Variants in CFAP99 observed in about 807,000 individuals in gnomAD.
CFAP99 encodes cilia and flagella associated protein 99, also known as cilia- and flagella-associated protein 99.
Under a neutral mutation model 82.7 loss-of-function variants are expected in CFAP99, and 84 were observed. The ratio of observed to expected loss-of-function variants is 1.02; its 90% confidence interval spans 0.85 to 1.22. CFAP99 has a LOEUF of 1.22. CFAP99 is among the 50% of genes most tolerant of loss of function. The probability of loss-of-function intolerance (pLI) is 0.00; values close to 1 mark genes in which losing one functional copy is unlikely to be tolerated. For synonymous variants in CFAP99, 456 were observed against 429.5 expected, an observed-to-expected ratio of 1.06 and a Z score of -0.76; for missense variants, 1,059 against 983.5, an observed-to-expected ratio of 1.08 and a Z score of -1.03.
chr4:2,436,081 C>CT (rs1733901805), intron 2 of CFAP99, among the ~76,000 whole-genome samples: 1 of 125,404 alleles, frequency 8.0e-6, no homozygotes, highest in Non-Finnish European at 1.8e-5. Flanking sequence ...TCAAAAACTT[C>CT]AAAAAAAAAA....
intron 2 of CFAP99, 117 bp from the exon 3 acceptor site, chr4:2,436,757 A>G: frequency 1.3e-6 from 1 of 793,860 alleles, no homozygotes. Flanking sequence ...CCCCACTAAC[A>G]GGCCCTTTGC....
At chr4:2,440,146 ATTCT>A (rs1464512610) in intron 4 of CFAP99, among the ~76,000 whole-genome samples, 10 of 95,872 alleles carry the variant, frequency 1.0e-4, no homozygotes, top group Non-Finnish European at 1.9e-4. Context: ...CCAGCTTGAC[ATTCT>A]TTTTTTTTTT....
chr4:2,443,082 GGGTT>G lies in CFAP99; in HGVS notation c.352-45_352-42del, dbSNP rs1441435228. 7.4e-6 allele frequency: 8 copies of G among 1,087,308 alleles called. No homozygotes were observed. The African/African-American group carries it at 1.3e-4, about 17-fold the overall frequency. The allele number at this position is 1,087,308 out of a possible 1,614,324, so 67.4% of individuals were successfully genotyped here. On this transcript the variant is annotated intron_variant, in intron 4 of 14. Transcript: ENST00000635017. ...GGTGCTGGGGACTTTGCCCGGTGAG[GGGTT>G]GGGCCCAGGGCTCCGGCCCCCTGAC...
chr4:2,426,458 G>T lies in CFAP99; in HGVS notation c.-17-1G>T, dbSNP rs1445527763. 6.5e-7 allele frequency: 1 copy of T among 1,526,862 alleles called. No homozygotes were observed. The highest frequency in any genetic ancestry group is 1.2e-5 in the South Asian group (1 of 83,852). The allele number at this position is 1,526,862 out of a possible 1,614,324, so 94.6% of individuals were successfully genotyped here. A position where few individuals can be genotyped will look rare whatever the true frequency, so the allele number is the denominator to read the frequency against. Reference sequence around the variant, plus strand: ...GCGTGACCTGCACGGTTTGTTCTTAGGCTTCTGCCCTAAGAAGATGGCCTA... The same window carrying T: ...GCGTGACCTGCACGGTTTGTTCTTATGCTTCTGCCCTAAGAAGATGGCCTA... On this transcript the variant is annotated splice_acceptor_variant, in intron 1 of 14. Transcript: ENST00000635017. LOFTEE classifies it low-confidence loss of function (5UTR_SPLICE).
chr4:2,442,254 G>C (rs1032066800), intron 4 of CFAP99, among the ~76,000 whole-genome samples: 1 of 152,012 alleles, frequency 6.6e-6, no homozygotes, highest in Non-Finnish European at 1.5e-5. Context: ...GGGGTGGCCA[G>C]AAGGAAGGTA....
intron 4 of CFAP99, 67 bp from the exon 5 acceptor site, chr4:2,443,063 G>A: frequency 1.1e-6 from 1 of 896,378 alleles, no homozygotes; most frequent in East Asian, 2.6e-5. Flanking sequence ...TGGGGGTGCT[G>A]GGGACTTTGC....
chr4:2,441,079 TATA>T (rs964924750), intron 4 of CFAP99, among the ~76,000 whole-genome samples: 48 of 148,716 alleles, frequency 3.2e-4, no homozygotes, highest in African/African-American at 8.9e-4. Context: ...ATAATAATAA[TATA>T]ATAATAATAA....
chr4:2,452,906 T>C (rs1042373663), intron 11 of CFAP99, among the ~76,000 whole-genome samples: 10 of 151,774 alleles, frequency 6.6e-5, no homozygotes, highest in Admixed American at 5.9e-4. Flanking sequence ...CTGTAAAAAA[T>C]ACAAAAATTA....
chr4:2,440,472 C>T (rs893762544), intron 4 of CFAP99, among the ~76,000 whole-genome samples: 5 of 142,268 alleles, frequency 3.5e-5, no homozygotes, highest in Non-Finnish European at 6.2e-5. Context: ...GCTGAACAGG[C>T]GGGGCATGGT....
chr4:2,460,295 A>AC, intron 14 of CFAP99, 53 bp downstream of exon 14: 1 of 1,474,484 alleles, frequency 6.8e-7, no homozygotes, highest in Non-Finnish European at 9.2e-7. Context: ...AGCATGCTGT[A>AC]AGCCTGCCTT....
At chr4:2,431,127 G>C (rs1001511539) in intron 2 of CFAP99, among the ~76,000 whole-genome samples, 11 of 151,946 alleles carry the variant, frequency 7.2e-5, no homozygotes, top group African/African-American at 2.7e-4. Context: ...CCAGCACTTT[G>C]AGAGGCCGGG....
intron 2 of CFAP99, chr4:2,428,809 C>G (rs1204280059): frequency 6.6e-6 from 1 of 152,194 alleles, no homozygotes; most frequent in African/African-American, 2.5e-5. Context: ...CGCCTGCTGA[C>G]AGCTCCTGCT....
At chr4:2,456,402 T>C (rs562167293) in intron 11 of CFAP99, among the ~76,000 whole-genome samples, 14 of 152,140 alleles carry the variant, frequency 9.2e-5, no homozygotes, top group African/African-American at 3.1e-4. Flanking sequence ...TATGGCTGGA[T>C]GCGGTGGCTC....
chr4:2,435,908 C>T (rs1056165989), intron 2 of CFAP99, among the ~76,000 whole-genome samples: 10 of 150,028 alleles, frequency 6.7e-5, no homozygotes, highest in African/African-American at 1.7e-4. Flanking sequence ...CTCAGGAGGC[C>T]GAGGTGGGGA....
At chr4:2,447,517 AT>A (rs1478522709) in intron 6 of CFAP99, among the ~76,000 whole-genome samples, 5 of 151,566 alleles carry the variant, frequency 3.3e-5, no homozygotes, top group African/African-American at 9.7e-5. Flanking sequence ...AGATGGATGG[AT>A]TAATGGATAG....
Position 2,438,226 on chromosome 4 carries a change from C to T in CFAP99, c.351+62C>T, listed in dbSNP as rs73074398. ...CCACGGGTGAGGTCCGTCTGATCCT[C>T]GCCCACCTTTCGTCATTCTGGTTGG... On this transcript the variant is annotated intron_variant, in intron 4 of 14. Coordinates refer to ENST00000635017, the Ensembl canonical transcript of CFAP99. The T allele has an allele frequency of 7.3e-3, 6,842 of 939,814 alleles. 323 individuals carry two copies. In the African/African-American group the frequency reaches 0.098, roughly 13 times the overall value. 58.2% of individuals were successfully genotyped at this position (939,814 alleles called of 1,614,324 possible).
chr4:2,437,124 C>T, intron 3 of CFAP99, 106 bp downstream of exon 3: 1 of 1,346,496 alleles, frequency 7.4e-7, no homozygotes, highest in Non-Finnish European at 1.0e-6. Context: ...GCCAGCTCCT[C>T]CTTCCTGCCC....
rs1228472479 is a variant in CFAP99, at chr4:2,443,258, G to T, written c.464+16G>T. 1.3e-6 allele frequency: 2 copies of T among 1,492,040 alleles called. No individual in the cohort carries two copies. The highest frequency in any genetic ancestry group is 1.8e-6 in the Non-Finnish European group (2 of 1,107,182). The allele number at this position is 1,492,040 out of a possible 1,614,324, so 92.4% of individuals were successfully genotyped here. On this transcript the variant is annotated intron_variant, in intron 5 of 14. Coordinates refer to ENST00000635017, the Ensembl canonical transcript of CFAP99. Reference sequence around the variant, plus strand: ...CCCTGATGAGGTAGGCTGGATGGGGGGCTCTGGGGGCCCTGAATGGCATCT... The same window carrying T: ...CCCTGATGAGGTAGGCTGGATGGGGTGCTCTGGGGGCCCTGAATGGCATCT...
At chr4:2,460,003 C>G in intron 13 of CFAP99, 34 bp from the exon 14 acceptor site, 1 of 1,529,624 alleles carries the variant, frequency 6.5e-7, no homozygotes, top group Non-Finnish European at 8.8e-7. Flanking sequence ...CCCAGCACAG[C>G]TCCCAGCTTG....
Sources: gnomAD v4.1 joint callset for allele counts (sites outside exome capture counted in the v4.1 genomes callset) on GRCh38, gnomAD v4.1.1 for gene constraint, MANE v1.5 for transcripts, NCBI Gene and HGNC (gene_info 2026-07-23, HGNC 2026-07-21) for gene names.